Variants in CHUK observed in about 807,000 individuals in gnomAD.
CHUK encodes the protein inhibitor of nuclear factor kappa-B kinase subunit alpha.
CHUK carries 35 observed loss-of-function variants against 104.8 expected under a neutral mutation model. The ratio of observed to expected loss-of-function variants is 0.33; its 90% CI spans 0.26 to 0.44. The LOEUF is 0.44. Among genes scored for constraint, CHUK ranks in the 20% least tolerant of loss-of-function variants. The pLI, the probability that CHUK is intolerant of heterozygous loss-of-function variation, is 1.00. For missense variants in CHUK, 663 were observed against 902.7 expected, an observed-to-expected ratio of 0.73 and a Z score of 3.40; for synonymous variants, 276 against 291.9, an observed-to-expected ratio of 0.95 and a Z score of 0.56.
rs1370024229 is a variant in CHUK, at chr10:100,190,959, T to G, written c.2118A>C (p.Ser706=). ...TCAAATTTTCTTCTATCATTTGTGC[T>G]GAAGTCTCCCTGTGAGATGAAAGAA... ...CVVTPQDGET[S]AQMIEENLNC... The change falls in exon 20 of 21, where the codon TCA becomes TCC. Residue 706 remains serine (S), a synonymous_variant. Coordinates refer to ENST00000370397, the MANE Select transcript of CHUK (RefSeq NM_001278.5). The G allele has an allele frequency of 6.3e-7, 1 of 1,599,680 alleles. No individual in the cohort carries two copies. The highest frequency in any genetic ancestry group is 8.6e-7 in the Non-Finnish European group (1 of 1,166,824).
At chr10:100,223,084 G>T (rs1368325059) in intron 2 of CHUK, 104 bp from the exon 3 acceptor site, 1 of 647,952 alleles carries the variant, frequency 1.5e-6, no homozygotes, top group African/African-American at 1.8e-5. Flanking sequence ...GAGGGGGAAA[G>T]ATCAGTATTA....
chr10:100,195,739 A>AT (rs1454813890), intron 16 of CHUK: 2 of 152,252 alleles, frequency 1.3e-5, no homozygotes, highest in African/African-American at 4.8e-5. Context: ...GTGTGATTAT[A>AT]TAATAGGCCC....
At position 100,193,848 on chromosome 10, in the gene CHUK, C is replaced by G. The variant is rs1009114684; in HGVS notation, c.1974+136G>C. On this transcript the variant is annotated intron_variant, in intron 18 of 20. Transcript: ENST00000370397. ...CTCAATTGCTAGTCTGGACACCAAG[C>G]AAGGAACATGGATGTCATCCCAATG... 1.6e-5 allele frequency: 12 copies of G among 761,748 alleles called. No homozygotes were observed. In the African/African-American group the frequency reaches 2.1e-4, roughly 13 times the overall value. 47.2% of individuals were successfully genotyped at this position (761,748 alleles called of 1,614,324 possible).
chr10:100,222,085 C>G (rs750002960), intron 4 of CHUK, 27 bp downstream of exon 4: 6 of 1,172,628 alleles, frequency 5.1e-6, no homozygotes, highest in Non-Finnish European at 6.4e-6. Context: ...CATTACATTA[C>G]AATGGTATTT....
At chr10:100,192,690 T>G (rs1290104614) in intron 19 of CHUK, 4 of 987,266 alleles carry the variant, frequency 4.1e-6, no homozygotes, top group Middle Eastern at 5.2e-4. Context: ...CGGCACATCT[T>G]AAGCTGAGAA....
chr10:100,206,716 T>A (rs1265205923), intron 11 of CHUK, among the ~76,000 whole-genome samples: 20 of 152,188 alleles, frequency 1.3e-4, no homozygotes, highest in Admixed American at 1.3e-3. Context: ...AAAAAGACTT[T>A]TAAAAAAGTA....
chr10:100,191,362 C>A (rs149947452), intron 19 of CHUK, among the ~76,000 whole-genome samples: 45 of 152,266 alleles, frequency 3.0e-4, no homozygotes, highest in African/African-American at 1.1e-3. Flanking sequence ...AGTAAAAACA[C>A]CAGCATGCAT....
chr10:100,229,379 C>G, intron 1 of CHUK, 49 bp downstream of exon 1: 1 of 1,392,622 alleles, frequency 7.2e-7, no homozygotes, highest in Admixed American at 1.7e-5. Flanking sequence ...GACGCTCAAA[C>G]CCACCGCCGC....
chr10:100,225,783 A>T, intron 2 of CHUK, 140 bp downstream of exon 2: 1 of 613,694 alleles, frequency 1.6e-6, no homozygotes, highest in Non-Finnish European at 3.0e-6. Context: ...TATTATTTGA[A>T]ATAGAATATA....
chr10:100,227,658 CTTTCTCCAAGAT>C (rs775915516), intron 1 of CHUK, among the ~76,000 whole-genome samples: 12 of 152,058 alleles, frequency 7.9e-5, no homozygotes, highest in Non-Finnish European at 1.6e-4. Context: ...CTTCCATTCT[CTTTCTCCAAGAT>C]TTTCTCCTAT....
chr10:100,228,286 G>T (rs1462401727), intron 1 of CHUK, among the ~76,000 whole-genome samples: 2 of 152,208 alleles, frequency 1.3e-5, no homozygotes, highest in Non-Finnish European at 2.9e-5. Context: ...AAATGGCAAT[G>T]CATGGTTGTG....
intron 18 of CHUK, 145 bp from the exon 19 acceptor site, chr10:100,193,576 C>G: frequency 1.1e-6 from 1 of 913,266 alleles, no homozygotes; most frequent in Non-Finnish European, 1.7e-6. Context: ...CTATTCCCAC[C>G]TTTACACACC....
chr10:100,193,406 A>C lies in CHUK; in HGVS notation c.2000T>G (p.Val667Gly). ...TACTGCACCTTCTAGACTGGATCCT[A>C]CAAGGGACCGGGCAGAACTCTGTGT... Reference protein sequence around the residue: ...ACTQSSARSLVGSSLEGAVTP... With the variant: ...ACTQSSARSLGGSSLEGAVTP... The change falls in exon 19 of 21, where the codon GTA (valine) becomes GGA (glycine). Residue 667 changes from valine (V) to glycine (G), a missense_variant. Coordinates refer to ENST00000370397, the MANE Select transcript of CHUK (RefSeq NM_001278.5). 4 of 1,614,166 alleles carry C rather than the reference A, an allele frequency of 2.5e-6. No homozygotes were observed. The highest frequency in any genetic ancestry group is 8.5e-7 in the Non-Finnish European group (1 of 1,179,990).
chr10:100,193,567 T>G, intron 18 of CHUK, 136 bp from the exon 19 acceptor site: 1 of 1,027,510 alleles, frequency 9.7e-7, no homozygotes, highest in South Asian at 1.4e-5. Context: ...AGTACAAAAC[T>G]ATTCCCACCT....
chr10:100,218,087 T>C lies in CHUK; in HGVS notation c.841A>G (p.Asn281Asp). Residue 281 changes from asparagine (N) to aspartate (D), a missense_variant, in exon 9 of 21, where the codon AAT becomes GAT. Asn to Asp is a conservative substitution (Grantham distance 23). Coordinates refer to ENST00000370397, the MANE Select transcript of CHUK (RefSeq NM_001278.5). ...PMENWLQLML[N>D]WDPQQRGGPV... ...CCTCCTCTCTGCTGAGGGTCCCAAT[T>C]CAACATCAACTGTAGCCAGTTTTCC... 1 of 1,613,088 alleles carries C rather than the reference T, an allele frequency of 6.2e-7. No individual in the cohort carries two copies. The highest frequency in any genetic ancestry group is 8.5e-7 in the Non-Finnish European group (1 of 1,179,062).
In CHUK at chr10:100,190,913, T is replaced by C; in HGVS notation, c.2164A>G (p.Thr722Ala). 1 of 1,612,726 alleles carries C rather than the reference T, an allele frequency of 6.2e-7. No individual in the cohort carries two copies. Among genetic ancestry groups the C allele is most frequent in the South Asian group, 1.1e-5 (1 of 91,066 alleles). The change falls in exon 20 of 21, where the codon ACT becomes GCT. Residue 722 changes from threonine (T) to alanine (A), a missense_variant. This residue lies in a region of CHUK where 311 missense variants were observed against 393.4 expected (regional missense o/e 0.79). Coordinates refer to ENST00000370397, the MANE Select transcript of CHUK (RefSeq NM_001278.5). ...ENLNCLGHLS[T>A]IIHEANEEQG... ...TCCTCATTTGCCTCATGAATAATAG[T>C]GCTTAAATGGCCAAGGCAGTTCAAA... is the stretch of plus-strand genomic sequence containing the variant.
At chr10:100,221,084 C>A (rs929643264) in intron 4 of CHUK, among the ~76,000 whole-genome samples, 7 of 152,098 alleles carry the variant, frequency 4.6e-5, no homozygotes, top group Non-Finnish European at 2.9e-5. Context: ...AGGTTAGGTA[C>A]TGGTTATTTT....
chr10:100,210,898 G>A (rs552451853), intron 9 of CHUK, among the ~76,000 whole-genome samples: 1 of 152,324 alleles, frequency 6.6e-6, no homozygotes, highest in African/African-American at 2.4e-5. Flanking sequence ...CAGCCACAGA[G>A]TTGGACTTCA....
At chr10:100,217,345 A>T (rs1761541364) in intron 9 of CHUK, among the ~76,000 whole-genome samples, 1 of 152,198 alleles carries the variant, frequency 6.6e-6, no homozygotes. Flanking sequence ...ATATTGAATG[A>T]ACTATAGGTT....
Sources: gnomAD v4.1 joint callset for allele counts (sites outside exome capture counted in the v4.1 genomes callset) on GRCh38, gnomAD v4.1.1 for gene constraint, gnomAD v4.1.1 regional missense constraint, MANE v1.5 for transcripts, NCBI Gene and HGNC (gene_info 2026-07-23, HGNC 2026-07-21) for gene names.